The following ALAS1 variants were observed in gnomAD, a reference collection of about 807,000 sequenced individuals.
The protein encoded by ALAS1 is 5'-aminolevulinate synthase 1, also known as 5-aminolevulinate synthase, non-specific, mitochondrial.
ALAS1 carries 29 observed loss-of-function variants against 59.6 expected under a neutral mutation model. The observed-to-expected ratio is 0.49, with a 90% CI of 0.36 to 0.66. The LOEUF is 0.66. ALAS1 is among the 30% of genes least tolerant of loss of function. The pLI is 0.00. For missense variants in ALAS1, 690 were observed against 807.5 expected (o/e 0.85, Z 1.76); for synonymous variants, 299 against 296.6 (o/e 1.01, Z -0.08).
intron 4 of ALAS1, among the ~76,000 whole-genome samples, 175 bp downstream of exon 4, chr3:52,202,909 G>A (rs1311213988): frequency 6.6e-6 from 1 of 152,230 alleles, no homozygotes; most frequent in Admixed American, 6.5e-5. Context: ...TATTGCGAAA[G>A]TGGGACTTTC....
At chr3:52,198,295 GC>G in intron 1 of ALAS1, 40 bp downstream of exon 1, 1 of 405,332 alleles carries the variant, frequency 2.5e-6, no homozygotes, top group Non-Finnish European at 4.4e-6. Flanking sequence ...GGCCGAGGAA[GC>G]CCCGGGGTGT....
At chr3:52,212,587 A>G (rs764595514) in intron 11 of ALAS1, 167 bp downstream of exon 11, 76 of 827,550 alleles carry the variant, frequency 9.2e-5, no homozygotes, top group Non-Finnish European at 1.3e-4. Flanking sequence ...GCTGGAGTAC[A>G]ATGGCACAAT....
intron 11 of ALAS1, among the ~76,000 whole-genome samples, chr3:52,213,291 C>T (rs574479576): frequency 2.0e-4 from 31 of 152,318 alleles, no homozygotes; most frequent in Non-Finnish European, 3.7e-4. Context: ...TTCCCAAGCC[C>T]GCCCAGCGTG....
At chr3:52,204,526 G>A (rs1699253916) in intron 5 of ALAS1, among the ~76,000 whole-genome samples, 167 bp from the exon 6 acceptor site, 1 of 152,170 alleles carries the variant, frequency 6.6e-6, no homozygotes, top group South Asian at 2.1e-4. Flanking sequence ...TCTACACATG[G>A]CACTGAGCCA....
intron 7 of ALAS1, 32 bp from the exon 8 acceptor site, chr3:52,206,540 C>T: frequency 1.3e-6 from 2 of 1,597,704 alleles, no homozygotes; most frequent in East Asian, 2.2e-5. Flanking sequence ...CTTCGATGCA[C>T]ATGGCAATAA....
At chr3:52,211,670 G>T in intron 10 of ALAS1, 119 bp downstream of exon 10, 1 of 1,400,198 alleles carries the variant, frequency 7.1e-7, no homozygotes, top group Non-Finnish European at 9.8e-7. Flanking sequence ...CAGGGCAGGG[G>T]TTGTAGCCAG....
intron 4 of ALAS1, 107 bp downstream of exon 4, chr3:52,202,841 C>A: frequency 9.4e-7 from 1 of 1,067,638 alleles, no homozygotes; most frequent in Non-Finnish European, 1.4e-6. Flanking sequence ...TTTATGGAAA[C>A]ACCTTCCTCT....
chr3:52,204,834 T>C lies in ALAS1; in HGVS notation c.719T>C (p.Ile240Thr), dbSNP rs1304487060. 1 of 1,614,052 alleles carries C rather than the reference T, an allele frequency of 6.2e-7. No individual in the cohort carries two copies. The highest frequency in any genetic ancestry group is 1.7e-5 in the Admixed American group (1 of 60,002). Residue 240 changes from isoleucine (I) to threonine (T), a missense_variant, in exon 6 of 12, where the codon ATC becomes ACC. Transcript: ENST00000484952. ...PMADDYSDSL[I>T]TKKQVSVWCS... Reference sequence around the variant, plus strand: ...GCAGATGACTATTCAGACTCCCTCATCACCAAAAAGCAAGTGTCAGTCTGG... The same window carrying C: ...GCAGATGACTATTCAGACTCCCTCACCACCAAAAAGCAAGTGTCAGTCTGG...
rs755148387 is a variant in ALAS1, at chr3:52,199,415, C to G, written c.174C>G (p.Ile58Met). 1 of 1,614,082 alleles carries G rather than the reference C, an allele frequency of 6.2e-7. No individual in the cohort carries two copies. The highest frequency in any genetic ancestry group is 1.1e-5 in the South Asian group (1 of 91,050). Residue 58 changes from isoleucine to methionine, a missense_variant, in exon 3 of 12, where the codon ATC becomes ATG. By Grantham distance (10) the Ile-to-Met change is conservative. Transcript: ENST00000484952. Reference protein sequence around the residue: ...LSTAAVHYQQIKETPPASEKD... With the variant: ...LSTAAVHYQQMKETPPASEKD... ...CTGCAGCAGTACACTACCAACAGAT[C>G]AAAGAAACCCCTCCGGCCAGTGAGA...
intron 8 of ALAS1, among the ~76,000 whole-genome samples, chr3:52,207,416 G>A (rs779184507): frequency 6.6e-6 from 1 of 151,884 alleles, no homozygotes; most frequent in Non-Finnish European, 1.5e-5. Flanking sequence ...GATTACAGGC[G>A]TGAGCCACCG....
intron 7 of ALAS1, among the ~76,000 whole-genome samples, 196 bp from the exon 8 acceptor site, chr3:52,206,376 G>T (rs1032591015): frequency 2.6e-5 from 4 of 152,150 alleles, no homozygotes; most frequent in African/African-American, 9.7e-5. Flanking sequence ...CTGCCACAAG[G>T]TTATTCTACA....
At chr3:52,198,484 C>T (rs1247448344) in intron 1 of ALAS1, among the ~76,000 whole-genome samples, 188 bp from the exon 2 acceptor site, 1 of 152,208 alleles carries the variant, frequency 6.6e-6, no homozygotes, top group Non-Finnish European at 1.5e-5. Flanking sequence ...TTTAGAATTC[C>T]CTTCTCATAC....
chr3:52,201,172 GAAGA>G (rs1303782287), intron 3 of ALAS1, among the ~76,000 whole-genome samples: 1 of 152,180 alleles, frequency 6.6e-6, no homozygotes, highest in Admixed American at 6.5e-5. Flanking sequence ...CCAGAATGAT[GAAGA>G]AAGACTTTTC....
At chr3:52,208,010 T>C (rs1699329224) in intron 8 of ALAS1, 73 bp from the exon 9 acceptor site, 2 of 1,424,510 alleles carry the variant, frequency 1.4e-6, no homozygotes, top group Non-Finnish European at 1.9e-6. Context: ...GTTTACGTTG[T>C]TCTGACTCTA....
At chr3:52,200,385 C>T (rs188253273) in intron 3 of ALAS1, among the ~76,000 whole-genome samples, 2 of 152,314 alleles carry the variant, frequency 1.3e-5, no homozygotes, top group Admixed American at 6.5e-5. Context: ...ATGAATTTGA[C>T]TATTCTAGGT....
intron 9 of ALAS1, among the ~76,000 whole-genome samples, chr3:52,209,325 A>C (rs1270103451): frequency 6.6e-6 from 1 of 152,132 alleles, no homozygotes; most frequent in African/African-American, 2.4e-5. Flanking sequence ...CTACTGCCTC[A>C]GCCTCCCAAG....
At chr3:52,212,596 A>T in intron 11 of ALAS1, 176 bp downstream of exon 11, 1 of 740,218 alleles carries the variant, frequency 1.4e-6, no homozygotes, top group Admixed American at 2.6e-5. Flanking sequence ...CAATGGCACA[A>T]TCTCGGCTCA....
chr3:52,198,748 C>T lies in ALAS1; in HGVS notation c.-133C>T. ...TTCAGGGACTCGGGACCCTGCTGGA[C>T]CCCTTCCTCGGGTTTAGGGGATGTG... On this transcript the variant is annotated 5_prime_UTR_variant, in exon 2 of 12. Transcript: ENST00000484952. The T allele has an allele frequency of 6.7e-7, 1 of 1,495,936 alleles. No homozygotes were observed. Among genetic ancestry groups the T allele is most frequent in the Non-Finnish European group, 9.0e-7 (1 of 1,110,888 alleles). 92.7% of individuals were successfully genotyped at this position (1,495,936 alleles called of 1,614,324 possible).
At chr3:52,210,166 C>T (rs1699377460) in intron 9 of ALAS1, among the ~76,000 whole-genome samples, 2 of 152,204 alleles carry the variant, frequency 1.3e-5, no homozygotes, top group South Asian at 4.1e-4. Context: ...AAATTCCAGC[C>T]TCTGGGATAA....
Sources: allele counts gnomAD v4.1 joint callset (sites outside exome capture counted in the v4.1 genomes callset), GRCh38; gene constraint gnomAD v4.1.1; transcripts MANE v1.5; gene names NCBI Gene and HGNC (gene_info 2026-07-23, HGNC 2026-07-21).